Variants in SPEN observed in about 807,000 individuals in gnomAD.
SPEN encodes the protein msx2-interacting protein.
SPEN carries 18 observed loss-of-function variants against 269.9 expected under a neutral mutation model. The observed-to-expected ratio is 0.07, with a 90% CI of 0.05 to 0.10. The LOEUF is 0.10. Ranked by LOEUF, SPEN falls within the 10% of genes least tolerant of loss-of-function variation. The pLI is 1.00. For synonymous variants in SPEN, 1,726 were observed against 1,765.7 expected (o/e 0.98, Z 0.56); for missense variants, 3,822 against 4,631.2 (o/e 0.83, Z 5.07).
chr1:15,939,440 TTA>T lies in SPEN; in HGVS notation c.*15_*16del. The T allele has an allele frequency of 6.4e-7, 1 of 1,571,426 alleles. No individual in the cohort carries two copies. The highest frequency in any genetic ancestry group is 8.6e-7 in the Non-Finnish European group (1 of 1,159,036). ...TGCCTCCGTGTGAGCCACTGAGTGG[TTA>T]TCACCTCAGTGAATCTTCCCAGGGC... On this transcript the variant is annotated 3_prime_UTR_variant, in exon 15 of 15. Transcript: ENST00000375759. The surrounding 1 kb of genome is among the most constrained non-coding windows in gnomAD (Gnocchi z 4.1).
chr1:15,891,335 C>T (rs1313740317), intron 3 of SPEN, among the ~76,000 whole-genome samples: 1 of 151,694 alleles, frequency 6.6e-6, no homozygotes, highest in African/African-American at 2.4e-5. Flanking sequence ...TATAGACATG[C>T]CACCACACTT....
At chr1:15,875,601 G>A (rs980676885) in intron 2 of SPEN, among the ~76,000 whole-genome samples, 2 of 151,894 alleles carry the variant, frequency 1.3e-5, no homozygotes, top group Non-Finnish European at 2.9e-5. Flanking sequence ...GGGTACCGCT[G>A]TGCAGTCTAT....
intron 1 of SPEN, among the ~76,000 whole-genome samples, chr1:15,849,041 C>T (rs1046452462): frequency 6.6e-6 from 1 of 152,030 alleles, no homozygotes; most frequent in Non-Finnish European, 1.5e-5. Flanking sequence ...TAAATGTTGT[C>T]GTTGATACAT....
In SPEN at chr1:15,922,315, A is replaced by G. The variant is rs1483668270; in HGVS notation, c.1816A>G (p.Ile606Val). The change falls in exon 10 of 15, where the codon ATC becomes GTC. Residue 606 changes from isoleucine (I) to valine (V), a missense_variant. This residue lies in a region of SPEN where 230 missense variants were observed against 426.1 expected (regional missense o/e 0.54). Coordinates refer to ENST00000375759, the MANE Select transcript of SPEN (RefSeq NM_015001.3). ...CTGCATGGAGAAATCTGGTCAAGAC[A>G]TCAGAGACTTTTATGAAATGTTAGC... The part of the protein sequence containing the change: ...YHCMEKSGQD[I>V]RDFYEMLAER... The G allele has an allele frequency of 6.2e-7, 1 of 1,607,830 alleles. No individual in the cohort carries two copies. Among genetic ancestry groups the G allele is most frequent in the East Asian group, 2.2e-5 (1 of 44,760 alleles).
chr1:15,897,185 C>T (rs1186214778), intron 3 of SPEN, among the ~76,000 whole-genome samples: 1 of 151,986 alleles, frequency 6.6e-6, no homozygotes, highest in Non-Finnish European at 1.5e-5. Context: ...ATATTGGTTA[C>T]ATAATAAAAA....
rs755358455 is a variant in SPEN, at chr1:15,934,196, C to T, written c.7956C>T (p.Ser2652=). 4.0e-5 allele frequency: 64 copies of T among 1,614,114 alleles called. No individual in the cohort carries two copies. The South Asian group carries it at 5.2e-4, about 13-fold the overall frequency. The part of the protein sequence containing the change: ...PAPQTLTGLV[S]ALTGLVNVSL... ...CTCAAACCCTCACTGGTCTGGTGAG[C>T]GCACTCACTGGCCTGGTGAACGTCT... Residue 2652 remains serine (S), a synonymous_variant, in exon 11 of 15, where the codon AGC becomes AGT. Transcript: ENST00000375759. The surrounding 1 kb of genome is among the most constrained non-coding windows in gnomAD (Gnocchi z 9.2).
chr1:15,932,220 G>C lies in SPEN; in HGVS notation c.5980G>C (p.Gly1994Arg). ...PRSQKTAAGGGPQGKKGKNEP... is the reference protein window; with the variant it reads ...PRSQKTAAGGRPQGKKGKNEP... ...GTCCCAGAAAACTGCAGCTGGTGGT[G>C]GACCCCAAGGGAAAAAGGGAAAAAA... Residue 1994 changes from glycine (G) to arginine (R), a missense_variant, in exon 11 of 15, where the codon GGA becomes CGA. Coordinates refer to ENST00000375759, the MANE Select transcript of SPEN (RefSeq NM_015001.3). The surrounding 1 kb of genome is among the most constrained non-coding windows in gnomAD (Gnocchi z 4.2). 6.2e-7 allele frequency: 1 copy of C among 1,612,508 alleles called. No individual in the cohort carries two copies. Among genetic ancestry groups the C allele is most frequent in the Non-Finnish European group, 8.5e-7 (1 of 1,179,534 alleles).
intron 2 of SPEN, chr1:15,874,047 G>C: frequency 1.6e-6 from 2 of 1,263,988 alleles, no homozygotes; most frequent in Non-Finnish European, 2.0e-6. Flanking sequence ...TTCCTCATTC[G>C]TTGGAATTGT....
Position 15,909,696 on chromosome 1 carries a change from C to G in SPEN, c.1042+215C>G, listed in dbSNP as rs928814345. ...GTAATATTTTTAATTGACAGCTGACCGTAATATACTGTTACTCCTACATTG... is the reference window on the plus strand; with the variant it reads ...GTAATATTTTTAATTGACAGCTGACGGTAATATACTGTTACTCCTACATTG... On this transcript the variant is annotated intron_variant, in intron 4 of 14. Coordinates refer to ENST00000375759, the MANE Select transcript of SPEN (RefSeq NM_015001.3). 2.0e-5 allele frequency among the ~76,000 whole-genome samples: 3 copies of G among 151,944 alleles called. No individual in the cohort carries two copies. The South Asian group carries it at 6.2e-4, about 31-fold the overall frequency.
Position 15,934,960 on chromosome 1 carries a change from C to A in SPEN, c.8720C>A (p.Pro2907Gln). The stretch of plus-strand genomic sequence containing the variant: ...ATTTCGTCTGTGAAGGCCGATAGGC[C>A]ATCCTTGGAGAAGCCCGAGCCCATT... ...PVISSVKADR[P>Q]SLEKPEPIHL... Residue 2907 changes from proline (P) to glutamine (Q), a missense_variant, in exon 11 of 15, where the codon CCA becomes CAA. Pro to Gln is a moderately conservative substitution (Grantham distance 76). Around this residue, in one of 16 missense-constraint regions of SPEN, gnomAD observed 329 missense variants for 431.2 expected, o/e 0.76. Coordinates refer to ENST00000375759, the MANE Select transcript of SPEN (RefSeq NM_015001.3). The surrounding 1 kb of genome is among the most constrained non-coding windows in gnomAD (Gnocchi z 9.2). The A allele has an allele frequency of 3.7e-6, 6 of 1,614,026 alleles. No individual in the cohort carries two copies. The highest frequency in any genetic ancestry group is 5.1e-6 in the Non-Finnish European group (6 of 1,180,006).
At chr1:15,850,400 GT>G (rs34927068) in intron 1 of SPEN, among the ~76,000 whole-genome samples, 131,493 of 149,894 alleles carry the variant, frequency 0.88, 57,921 homozygotes, top group Middle Eastern at 0.94. Flanking sequence ...TATTTTAAAG[GT>G]TTTTTTTTTT....
At chr1:15,878,961 C>A (rs1292710949) in intron 3 of SPEN, among the ~76,000 whole-genome samples, 1 of 130,466 alleles carries the variant, frequency 7.7e-6, no homozygotes, top group Non-Finnish European at 1.6e-5. Flanking sequence ...AGTGAGCAAG[C>A]CACTGCACTC....
Position 15,847,924 on chromosome 1 carries a change from A to G in SPEN, c.-144A>G, listed in dbSNP as rs2148698099. Reference sequence around the variant, plus strand: ...GAGGGATGGTCTCTGCACGGGGGGGAGCCGGAGGAGCCGCCGCCGCTGCCG... The same window carrying G: ...GAGGGATGGTCTCTGCACGGGGGGGGGCCGGAGGAGCCGCCGCCGCTGCCG... On this transcript the variant is annotated 5_prime_UTR_variant, in exon 1 of 15. Transcript: ENST00000375759. 2.9e-6 allele frequency: 1 copy of G among 340,240 alleles called. No individual in the cohort carries two copies. Among genetic ancestry groups the G allele is most frequent in the Non-Finnish European group, 5.3e-6 (1 of 189,908 alleles). 21.1% of individuals were successfully genotyped at this position (340,240 alleles called of 1,614,324 possible).
intron 1 of SPEN, among the ~76,000 whole-genome samples, chr1:15,853,178 TTTTTTA>T (rs745436273): frequency 1.7e-4 from 26 of 152,010 alleles, no homozygotes; most frequent in Non-Finnish European, 3.5e-4. Flanking sequence ...TTTTCATTAT[TTTTTTA>T]TTTTTATTTT....
At chr1:15,925,511 A>G (rs1320074760) in intron 10 of SPEN, among the ~76,000 whole-genome samples, 1 of 152,212 alleles carries the variant, frequency 6.6e-6, no homozygotes, top group Non-Finnish European at 1.5e-5. Context: ...TAAGCTGAAC[A>G]GTGCTCCAGC....
intron 1 of SPEN, among the ~76,000 whole-genome samples, chr1:15,851,490 TATGAG>T (rs2070334577): frequency 6.6e-6 from 1 of 152,168 alleles, no homozygotes; most frequent in Non-Finnish European, 1.5e-5. Flanking sequence ...GTCTTTTAGT[TATGAG>T]AGGGAGAGAG....
intron 3 of SPEN, among the ~76,000 whole-genome samples, chr1:15,893,379 G>A (rs2070808491): frequency 6.6e-6 from 1 of 152,190 alleles, no homozygotes; most frequent in Non-Finnish European, 1.5e-5. Flanking sequence ...GTGTCATGGT[G>A]TGTGGAGCCA....
intron 3 of SPEN, among the ~76,000 whole-genome samples, chr1:15,890,728 G>A (rs1262915504): frequency 1.3e-5 from 2 of 151,926 alleles, no homozygotes; most frequent in African/African-American, 4.8e-5. Flanking sequence ...TGAAACTAGT[G>A]CATTTTCATG....
chr1:15,888,416 CA>C (rs1228462280), intron 3 of SPEN, among the ~76,000 whole-genome samples: 2 of 151,828 alleles, frequency 1.3e-5, no homozygotes, highest in Non-Finnish European at 2.9e-5. Flanking sequence ...CTCCACCTCC[CA>C]GGTTCAAGTG....
Sources: gnomAD v4.1 joint callset for allele counts (sites outside exome capture counted in the v4.1 genomes callset) on GRCh38, gnomAD v4.1.1 for gene constraint, gnomAD v4.1.1 regional missense constraint, Gnocchi (gnomAD v3.1) non-coding constraint, MANE v1.5 for transcripts, NCBI Gene and HGNC (gene_info 2026-07-23, HGNC 2026-07-21) for gene names.